PARP14: variants seen among roughly 807,000 people sequenced by gnomAD.
The protein encoded by PARP14 is protein mono-ADP-ribosyltransferase PARP14.
In PARP14, 59 loss-of-function variants were observed where a neutral mutation model predicts 154.2. That is an observed-to-expected ratio of 0.38 (90% CI 0.31 to 0.48). PARP14 has a LOEUF of 0.48. PARP14 is among the 20% of genes least tolerant of loss of function. The pLI is 0.98. For synonymous variants in PARP14, 720 were observed against 780.5 expected (o/e 0.92, Z 1.29); for missense variants, 1,734 against 2,131.6 (o/e 0.81, Z 3.67).
At chr3:122,710,791 TTTTATTTATTTATTTA>T (rs59634432) in intron 9 of PARP14, among the ~76,000 whole-genome samples, 6,105 of 140,062 alleles carry the variant, frequency 0.044, 195 homozygotes, top group Middle Eastern at 0.11. Context: ...TTCCTAGGTA[TTTTATTTATTTATTTA>T]TTTATTTATT....
At position 122,681,332 on chromosome 3, in the gene PARP14, A is replaced by C. The variant is rs1292455691; in HGVS notation, c.187+262A>C. Among the ~76,000 whole-genome samples, 1 of 152,220 alleles carries C rather than the reference A, an allele frequency of 6.6e-6. No individual in the cohort carries two copies. Among genetic ancestry groups the C allele is most frequent in the African/African-American group, 2.4e-5 (1 of 41,456 alleles). ...GGCGGAACCGCGCAAGTAACTCTTTATCCCTCGATCGTTTTCTGTCTTTCC... is the reference window on the plus strand; with the variant it reads ...GGCGGAACCGCGCAAGTAACTCTTTCTCCCTCGATCGTTTTCTGTCTTTCC... On this transcript the variant is annotated intron_variant, in intron 1 of 16. Coordinates refer to ENST00000474629, the MANE Select transcript of PARP14 (RefSeq NM_017554.3). The surrounding 1 kb of genome is among the most constrained non-coding windows in gnomAD (Gnocchi z 5.5).
chr3:122,689,074 T>C (rs934049598), intron 3 of PARP14, among the ~76,000 whole-genome samples: 4 of 152,206 alleles, frequency 2.6e-5, no homozygotes, highest in African/African-American at 9.7e-5. Context: ...TCGGAAATTC[T>C]GGTGTTTTCA....
chr3:122,703,165 C>T (rs1939040720), intron 6 of PARP14, among the ~76,000 whole-genome samples: 1 of 152,120 alleles, frequency 6.6e-6, no homozygotes, highest in Admixed American at 6.6e-5. Context: ...CATTCCCTCT[C>T]CTCTGTTCTC....
chr3:122,714,468 A>G (rs1453931154), intron 12 of PARP14, 39 bp downstream of exon 12: 5 of 1,483,788 alleles, frequency 3.4e-6, no homozygotes, highest in Non-Finnish European at 4.5e-6. Flanking sequence ...ATCCCAAGCC[A>G]TCTACTTTCC....
Position 122,700,247 on chromosome 3 carries a change from C to T in PARP14, c.1693C>T (p.Leu565Phe), listed in dbSNP as rs774790235. 37 of 1,612,388 alleles carry T rather than the reference C, an allele frequency of 2.3e-5. No individual in the cohort carries two copies. In the Admixed American group the frequency reaches 6.0e-4, roughly 26 times the overall value. The change falls in exon 6 of 17, where the codon CTT becomes TTT. Residue 565 changes from leucine (L) to phenylalanine (F), a missense_variant. Coordinates refer to ENST00000474629, the MANE Select transcript of PARP14 (RefSeq NM_017554.3). ...GTGTCTTTTCATAGCACAGAAGATT[C>T]TTGCACTTTATGAGCTAGAGGGTAC... The part of the protein sequence containing the change: ...SKCLFIAQKI[L>F]ALYELEGTTV...
chr3:122,700,696 C>T lies in PARP14; in HGVS notation c.2142C>T (p.Gly714=). 6.2e-7 allele frequency: 1 copy of T among 1,611,238 alleles called. No individual in the cohort carries two copies. Among genetic ancestry groups the T allele is most frequent in the South Asian group, 1.1e-5 (1 of 90,370 alleles). ...TCAATCCTGAGAACAAACAAAAAGGCATTTTACTAACTGGCTCAAAGACCG... is the reference window on the plus strand; with the variant it reads ...TCAATCCTGAGAACAAACAAAAAGGTATTTTACTAACTGGCTCAAAGACCG... The part of the protein sequence containing the change: ...VSFNPENKQK[G]ILLTGSKTEV... The change falls in exon 6 of 17, where the codon GGC becomes GGT. Residue 714 remains glycine (G), a synonymous_variant. Transcript: ENST00000474629.
At chr3:122,685,128 T>C in intron 1 of PARP14, 57 bp from the exon 2 acceptor site, 2 of 1,595,180 alleles carry the variant, frequency 1.3e-6, no homozygotes, top group South Asian at 2.2e-5. Flanking sequence ...CATAGAATAA[T>C]TTTGTAAATA....
chr3:122,703,013 AAAAAAAAAAAC>A (rs1560065712), intron 6 of PARP14, among the ~76,000 whole-genome samples: 5 of 109,850 alleles, frequency 4.6e-5, no homozygotes, highest in Non-Finnish European at 6.1e-5. Context: ...AAAAAAAACA[AAAAAAAAAAAC>A]AAAAAACAAA....
chr3:122,726,089 TA>T (rs1933280404), intron 15 of PARP14, among the ~76,000 whole-genome samples: 1 of 152,244 alleles, frequency 6.6e-6, no homozygotes, highest in Non-Finnish European at 1.5e-5. Context: ...GTGTTGCTTT[TA>T]ACACACATTT....
chr3:122,720,164 A>T, intron 14 of PARP14, 91 bp from the exon 15 acceptor site: 1 of 1,276,908 alleles, frequency 7.8e-7, no homozygotes, highest in Non-Finnish European at 1.1e-6. Context: ...AATGCTTAGA[A>T]TTGGGAGATA....
At chr3:122,728,095 T>C in intron 16 of PARP14, 109 bp downstream of exon 16, 1 of 1,053,186 alleles carries the variant, frequency 9.5e-7, no homozygotes, top group East Asian at 2.5e-5. Context: ...GGTGGCCATG[T>C]TGCAGCCCGA....
intron 1 of PARP14, chr3:122,683,267 C>A: frequency 1.0e-6 from 1 of 982,734 alleles, no homozygotes; most frequent in Non-Finnish European, 1.2e-6. Flanking sequence ...CTGCAGAGGA[C>A]ACTCTCCACC....
In PARP14 at chr3:122,681,076, G is replaced by C. The variant is rs1380931225; in HGVS notation, c.187+6G>C. 1 of 1,609,898 alleles carries C rather than the reference G, an allele frequency of 6.2e-7. No individual in the cohort carries two copies. Among genetic ancestry groups the C allele is most frequent in the African/African-American group, 1.3e-5 (1 of 74,998 alleles). On this transcript the variant is annotated splice_donor_region_variant and intron_variant, in intron 1 of 16. Transcript: ENST00000474629. The surrounding 1 kb of genome is among the most constrained non-coding windows in gnomAD (Gnocchi z 5.5). The stretch of plus-strand genomic sequence containing the variant: ...GTTCTTCTACCCGGAGGACGGTGAG[G>C]GGCGCGAGGGGTGGGGTGAGGAGGG...
chr3:122,685,158 C>CT (rs752535457), intron 1 of PARP14, 27 bp from the exon 2 acceptor site: 2 of 1,605,538 alleles, frequency 1.2e-6, no homozygotes, highest in Non-Finnish European at 1.7e-6. Context: ...TGTCATTTGT[C>CT]TTTTTTCCCC....
intron 15 of PARP14, 99 bp from the exon 16 acceptor site, chr3:122,727,713 T>A: frequency 1.5e-6 from 1 of 681,704 alleles, no homozygotes; most frequent in Non-Finnish European, 2.3e-6. Context: ...TGCTGTTTAG[T>A]GTGCTTTTAT....
In PARP14 at chr3:122,712,058, TTTTG is replaced by T. The variant is rs537745099; in HGVS notation, c.3620-1353_3620-1350del. Among the ~76,000 whole-genome samples, 157 of 152,254 alleles carry T rather than the reference TTTTG, an allele frequency of 1.0e-3. No homozygotes were observed. In the Middle Eastern group the frequency reaches 0.017, roughly 16 times the overall value. On this transcript the variant is annotated intron_variant, in intron 9 of 16. Transcript: ENST00000474629. ...AGCTTTTTGTTTCATTTTTATCTTT[TTTTG>T]TTTGTTTGTTTGAGGTCTTTTTAAA...
chr3:122,687,127 T>G lies in PARP14; in HGVS notation c.355+14T>G. 6.3e-7 allele frequency: 1 copy of G among 1,580,788 alleles called. No individual in the cohort carries two copies. Reference sequence around the variant, plus strand: ...TTAAAGAACCAGGTAAAATCTCAGTTGAGATGACTCTGACATTCACCAAGC... The same window carrying G: ...TTAAAGAACCAGGTAAAATCTCAGTGGAGATGACTCTGACATTCACCAAGC... On this transcript the variant is annotated intron_variant, in intron 3 of 16. Coordinates refer to ENST00000474629, the MANE Select transcript of PARP14 (RefSeq NM_017554.3).
chr3:122,693,501 T>A (rs1002381885), intron 4 of PARP14, among the ~76,000 whole-genome samples: 3 of 152,184 alleles, frequency 2.0e-5, no homozygotes, highest in Admixed American at 6.5e-5. Flanking sequence ...AATACCTACC[T>A]AATATAGTTT....
intron 15 of PARP14, chr3:122,721,998 T>A (rs1490723145): frequency 1.3e-5 from 2 of 152,188 alleles, no homozygotes; most frequent in African/African-American, 4.8e-5. Flanking sequence ...GGTTACCAAT[T>A]TGTCCCTGAG....
Sources: allele counts gnomAD v4.1 joint callset (sites outside exome capture counted in the v4.1 genomes callset), GRCh38; gene constraint gnomAD v4.1.1; non-coding constraint Gnocchi (gnomAD v3.1); transcripts MANE v1.5; gene names NCBI Gene and HGNC (gene_info 2026-07-23, HGNC 2026-07-21).